TCF7L2: variants seen among roughly 807,000 people sequenced by gnomAD.
TCF7L2 encodes the protein transcription factor 7-like 2.
A neutral mutation model predicts 77.9 loss-of-function variants in TCF7L2; 23 were observed. The observed-to-expected ratio is 0.30, with a 90% confidence interval of 0.21 to 0.42. TCF7L2 has a LOEUF of 0.42. Among genes scored for constraint, TCF7L2 ranks in the 10% least tolerant of loss-of-function variants. The probability of loss-of-function intolerance (pLI) is 1.00; values close to 1 mark genes in which losing one functional copy is unlikely to be tolerated. For missense variants in TCF7L2, 654 were observed against 793.1 expected (o/e 0.82, Z 2.11); for synonymous variants, 413 against 340.2 (o/e 1.21, Z -2.36).
intron 4 of TCF7L2, among the ~76,000 whole-genome samples, chr10:113,010,235 C>T (rs1486615239): frequency 6.6e-6 from 1 of 152,050 alleles, no homozygotes; most frequent in African/African-American, 2.4e-5. Context: ...GGTTATATGT[C>T]TTAGTAATTC....
Position 113,007,057 on chromosome 10 carries a change from T to C in TCF7L2, c.451-32968T>C, listed in dbSNP as rs537205109. Among the ~76,000 whole-genome samples the C allele has an allele frequency of 5.9e-5, 9 of 152,390 alleles. No individual in the cohort carries two copies. The South Asian group carries it at 1.9e-3, about 32-fold the overall frequency. On this transcript the variant is annotated intron_variant, in intron 4 of 13. Coordinates refer to ENST00000627217, the MANE Select transcript of TCF7L2 (RefSeq NM_001146274.2). ...TTCCTTTCCCTTCAGCATTGGCATCTCTGTCCTTGTGTATTACCTGGGATG... is the reference window on the plus strand; with the variant it reads ...TTCCTTTCCCTTCAGCATTGGCATCCCTGTCCTTGTGTATTACCTGGGATG...
intron 5 of TCF7L2, among the ~76,000 whole-genome samples, chr10:113,090,805 T>A (rs1260805142): frequency 6.6e-6 from 1 of 152,122 alleles, no homozygotes; most frequent in Non-Finnish European, 1.5e-5. Context: ...AGACAGGGTT[T>A]CACCCTGTTA....
chr10:113,022,425 T>G (rs950892392), intron 4 of TCF7L2, among the ~76,000 whole-genome samples: 11 of 152,176 alleles, frequency 7.2e-5, no homozygotes, highest in African/African-American at 2.7e-4. Context: ...AGCTTCCGTG[T>G]GCCTGGGAGG....
chr10:113,165,666 C>T lies in TCF7L2; in HGVS notation c.1503C>T (p.Gly501=), dbSNP rs1347241075. Residue 501 remains glycine, a synonymous_variant, in exon 14 of 14, where the codon GGC becomes GGT. Coordinates refer to ENST00000627217, the MANE Select transcript of TCF7L2 (RefSeq NM_001146274.2). ...CTCCCCCCTCCCCGAACCTGCTAGG[C>T]TCCCCTCCCCGAGACGCCAAGTCAC... 5.0e-6 allele frequency: 8 copies of T among 1,610,302 alleles called. No homozygotes were observed. Among genetic ancestry groups the T allele is most frequent in the Non-Finnish European group, 6.8e-6 (8 of 1,178,458 alleles).
intron 4 of TCF7L2, among the ~76,000 whole-genome samples, chr10:113,025,753 T>A (rs544402290): frequency 1.5e-4 from 23 of 152,242 alleles, no homozygotes; most frequent in African/African-American, 5.5e-4. Context: ...TTATCCACAT[T>A]TTACAGGCAA....
At position 113,058,349 on chromosome 10, in the gene TCF7L2, A is replaced by AG. The variant is rs1335178809; in HGVS notation, c.552+18228dup. ...GAGGCCCTTTAGAGTAGAGATGAAGAGGGGGTGGGGAATCCTCAATTCTAA... is the reference window on the plus strand; with the variant it reads ...GAGGCCCTTTAGAGTAGAGATGAAGAGGGGGGTGGGGAATCCTCAATTCTAA... On this transcript the variant is annotated intron_variant, in intron 5 of 13. Transcript: ENST00000627217. 5.3e-5 allele frequency among the ~76,000 whole-genome samples: 8 copies of AG among 152,024 alleles called. No homozygotes were observed. The East Asian group carries it at 1.4e-3, about 26-fold the overall frequency.
chr10:113,132,231 C>T (rs1425149191), intron 5 of TCF7L2: 2 of 152,164 alleles, frequency 1.3e-5, no homozygotes, highest in Non-Finnish European at 1.5e-5. Flanking sequence ...AGAAGATTTA[C>T]CTGATCAGTG....
intron 5 of TCF7L2, among the ~76,000 whole-genome samples, chr10:113,089,052 T>G (rs1187098912): frequency 6.6e-6 from 1 of 152,142 alleles, no homozygotes; most frequent in Non-Finnish European, 1.5e-5. Context: ...ACTAATAGAT[T>G]CAGTAAGGTA....
chr10:113,114,313 G>T (rs2063474463), intron 5 of TCF7L2, among the ~76,000 whole-genome samples: 1 of 152,214 alleles, frequency 6.6e-6, no homozygotes, highest in African/African-American at 2.4e-5. Flanking sequence ...TTAGCACTGA[G>T]ATTTCTGTGT....
chr10:113,108,342 TCACTGAACCTGG>T (rs1275438479), intron 5 of TCF7L2, among the ~76,000 whole-genome samples: 6 of 152,026 alleles, frequency 3.9e-5, no homozygotes, highest in Non-Finnish European at 5.9e-5. Flanking sequence ...TGTAAAGTGT[TCACTGAACCTGG>T]AAACACCTCC....
At chr10:112,967,308 C>T (rs11196173) in intron 4 of TCF7L2, among the ~76,000 whole-genome samples, 21,580 of 152,110 alleles carry the variant, frequency 0.14, 2,436 homozygotes, top group East Asian at 0.66. Flanking sequence ...TTGTTGCTCT[C>T]CTAAGCTACA....
intron 5 of TCF7L2, among the ~76,000 whole-genome samples, chr10:113,096,574 G>A (rs529528400): frequency 1.3e-5 from 2 of 152,086 alleles, no homozygotes; most frequent in South Asian, 4.2e-4. Flanking sequence ...AAAATCAGTA[G>A]TTTCTTTTTT....
At chr10:113,101,842 C>CAAAAAGAAAAA in intron 5 of TCF7L2, among the ~76,000 whole-genome samples, 1 of 46,000 alleles carries the variant, frequency 2.2e-5, no homozygotes, top group Non-Finnish European at 3.5e-5. Context: ...GACTCCGTCT[C>CAAAAAGAAAAA]AAAAAAAAAA....
chr10:113,143,344 G>A (rs2068730357), intron 6 of TCF7L2, among the ~76,000 whole-genome samples: 1 of 152,264 alleles, frequency 6.6e-6, no homozygotes. Context: ...GTTCAGCTCT[G>A]ACTCTGCCTT....
chr10:113,032,318 A>C (rs2050375520), intron 4 of TCF7L2, among the ~76,000 whole-genome samples: 1 of 152,240 alleles, frequency 6.6e-6, no homozygotes, highest in South Asian at 2.1e-4. Flanking sequence ...CAGAGCTGTT[A>C]AAGGATTGGC....
chr10:113,062,991 C>G (rs1212767736), intron 5 of TCF7L2, among the ~76,000 whole-genome samples: 2 of 152,182 alleles, frequency 1.3e-5, no homozygotes, highest in Admixed American at 6.5e-5. Flanking sequence ...TCAGGTCTCT[C>G]ATTTTACATT....
At chr10:113,050,817 C>G (rs539848904) in intron 5 of TCF7L2, among the ~76,000 whole-genome samples, 2 of 152,298 alleles carry the variant, frequency 1.3e-5, no homozygotes, top group African/African-American at 4.8e-5. Context: ...CCACAGTCTT[C>G]CTTGAGCCCC....
intron 5 of TCF7L2, among the ~76,000 whole-genome samples, chr10:113,101,542 C>T (rs1286835378): frequency 1.3e-5 from 2 of 151,306 alleles, no homozygotes; most frequent in African/African-American, 4.9e-5. Flanking sequence ...AACCTTGCCT[C>T]TTAAAAAAAG....
chr10:113,017,764 AG>A (rs1167621922), intron 4 of TCF7L2, among the ~76,000 whole-genome samples: 2 of 152,216 alleles, frequency 1.3e-5, no homozygotes, highest in Non-Finnish European at 2.9e-5. Flanking sequence ...TCTCAGAAAA[AG>A]GACAATGGGA....
Sources: allele counts gnomAD v4.1 joint callset (sites outside exome capture counted in the v4.1 genomes callset), GRCh38; gene constraint gnomAD v4.1.1; transcripts MANE v1.5; gene names NCBI Gene and HGNC (gene_info 2026-07-23, HGNC 2026-07-21).